AFG2A: variants seen among roughly 807,000 people sequenced by gnomAD.
AFG2A encodes AAA ATPase AFG2A, also known as ATPase family gene 2 protein homolog A.
chr4:123,230,617 C>G, the AFG2A span, among the ~76,000 whole-genome samples: 53 of 152,036 alleles, frequency 3.5e-4, no homozygotes, highest in Non-Finnish European at 5.2e-4. Flanking sequence ...ACCTTCTCCC[C>G]TGAGTCATGA....
the AFG2A span, among the ~76,000 whole-genome samples, chr4:122,950,658 A>G: frequency 4.4e-4 from 67 of 152,310 alleles, no homozygotes; most frequent in African/African-American, 1.5e-3. Context: ...CTATTGATGG[A>G]GACGCTGTAG....
the AFG2A span, among the ~76,000 whole-genome samples, chr4:123,189,536 C>T: frequency 6.6e-6 from 1 of 152,032 alleles, no homozygotes; most frequent in Non-Finnish European, 1.5e-5. Flanking sequence ...TTAATCAGAT[C>T]AAGTTTTTAA....
chr4:123,252,069 A>G, the AFG2A span, among the ~76,000 whole-genome samples: 4 of 152,170 alleles, frequency 2.6e-5, no homozygotes, highest in African/African-American at 4.8e-5. Context: ...ACATACTACC[A>G]TAGGTTTCTC....
At chr4:123,156,775 A>G in the AFG2A span, among the ~76,000 whole-genome samples, 8 of 132,110 alleles carry the variant, frequency 6.1e-5, no homozygotes, top group South Asian at 7.5e-4. Context: ...AAAAAAAAAA[A>G]AGAAAAAAAA....
chr4:123,212,991 T>C, the AFG2A span, among the ~76,000 whole-genome samples: 1 of 152,156 alleles, frequency 6.6e-6, no homozygotes, highest in African/African-American at 2.4e-5. Flanking sequence ...TCATAAAATA[T>C]CACATTATAA....
the AFG2A span, among the ~76,000 whole-genome samples, chr4:123,067,000 G>A: frequency 6.6e-6 from 1 of 152,094 alleles, no homozygotes; most frequent in South Asian, 2.1e-4. Context: ...TTAGAGAGAT[G>A]GCCTGTTGCA....
chr4:123,295,207 A>C, the AFG2A span, among the ~76,000 whole-genome samples: 2 of 152,220 alleles, frequency 1.3e-5, no homozygotes, highest in Admixed American at 6.5e-5. Context: ...GCATGAAGCC[A>C]CTTGGAGATG....
At chr4:122,941,316 T>C in the AFG2A span, among the ~76,000 whole-genome samples, 1 of 150,906 alleles carries the variant, frequency 6.6e-6, no homozygotes, top group African/African-American at 2.4e-5. Flanking sequence ...CCTCGAGCAG[T>C]AGTTTGTAGT....
chr4:123,071,819 T>C, the AFG2A span, among the ~76,000 whole-genome samples: 1 of 152,354 alleles, frequency 6.6e-6, no homozygotes, highest in Admixed American at 6.5e-5. Context: ...GGTGATAAGC[T>C]AGATTACTCA....
At chr4:123,191,285 T>C in the AFG2A span, among the ~76,000 whole-genome samples, 1 of 152,038 alleles carries the variant, frequency 6.6e-6, no homozygotes. Context: ...TTCCTTCTCA[T>C]ATTCCTATGA....
At chr4:122,993,985 T>C in the AFG2A span, among the ~76,000 whole-genome samples, 1 of 152,076 alleles carries the variant, frequency 6.6e-6, no homozygotes, top group Non-Finnish European at 1.5e-5. Context: ...TAGCACATAG[T>C]AGATACCCAA....
At chr4:123,230,666 G>A in the AFG2A span, among the ~76,000 whole-genome samples, 79 of 152,068 alleles carry the variant, frequency 5.2e-4, no homozygotes, top group African/African-American at 1.9e-3. Flanking sequence ...ATCCTTTCCA[G>A]AAAGTTTTCC....
At chr4:122,986,179 G>A in the AFG2A span, among the ~76,000 whole-genome samples, 1 of 151,990 alleles carries the variant, frequency 6.6e-6, no homozygotes, top group Non-Finnish European at 1.5e-5. Context: ...ATTGAGGCTC[G>A]TTTTATGGCC....
chr4:123,295,933 A>T, the AFG2A span, among the ~76,000 whole-genome samples: 1 of 152,348 alleles, frequency 6.6e-6, no homozygotes, highest in Non-Finnish European at 1.5e-5. Flanking sequence ...AAGATAAAGC[A>T]GAGAAAAGCG....
chr4:123,055,907 AAAAG>A, the AFG2A span, among the ~76,000 whole-genome samples: 1 of 152,238 alleles, frequency 6.6e-6, no homozygotes. Flanking sequence ...TATGTGGTAA[AAAAG>A]AAAGTCTGCT....
chr4:122,923,650 C>G, the AFG2A span, among the ~76,000 whole-genome samples: 1 of 152,094 alleles, frequency 6.6e-6, no homozygotes, highest in Non-Finnish European at 1.5e-5. Flanking sequence ...GATACTTATC[C>G]TAAAAAACTA....
At chr4:122,988,641 C>T in the AFG2A span, among the ~76,000 whole-genome samples, 28 of 152,046 alleles carry the variant, frequency 1.8e-4, no homozygotes, top group Admixed American at 1.3e-3. Flanking sequence ...GTGATCCACC[C>T]GCCTCAGCCT....
chr4:123,094,437 G>A, the AFG2A span, among the ~76,000 whole-genome samples: 1 of 152,206 alleles, frequency 6.6e-6, no homozygotes, highest in African/African-American at 2.4e-5. Flanking sequence ...TTAGGCCAGA[G>A]AGGAATGGAG....
chr4:123,237,980 G>A, the AFG2A span, among the ~76,000 whole-genome samples: 1 of 152,156 alleles, frequency 6.6e-6, no homozygotes, highest in Non-Finnish European at 1.5e-5. Context: ...CCCAAATACT[G>A]CGCTTTTCCC....
Sources: allele counts gnomAD v4.1 joint callset (sites outside exome capture counted in the v4.1 genomes callset), GRCh38; gene constraint gnomAD v4.1.1; transcripts MANE v1.5; gene names NCBI Gene and HGNC (gene_info 2026-07-23, HGNC 2026-07-21).